The following ZC3H8 variants were observed in gnomAD, a reference collection of about 807,000 sequenced individuals.
The protein encoded by ZC3H8 is zinc finger CCCH domain-containing protein 8.
In ZC3H8, 27 loss-of-function variants were observed where a neutral mutation model predicts 42.5. The ratio of observed to expected loss-of-function variants is 0.64; its 90% CI spans 0.47 to 0.88. The LOEUF (loss-of-function observed/expected upper bound fraction) is 0.88, where lower values mean the gene tolerates loss of function less well. Among genes scored for constraint, ZC3H8 ranks in the 40% least tolerant of loss-of-function variants. ZC3H8 has a pLI of 0.00. For missense variants in ZC3H8, 277 were observed against 336.1 expected (o/e 0.82, Z 1.37); for synonymous variants, 101 against 110.1 (o/e 0.92, Z 0.52).
intron 8 of ZC3H8, among the ~76,000 whole-genome samples, chr2:112,229,413 G>A (rs544443793): frequency 1.3e-5 from 2 of 152,128 alleles, no homozygotes; most frequent in Non-Finnish European, 2.9e-5. Context: ...AAAAGGTGGA[G>A]TACAGTTTCC....
intron 2 of ZC3H8, among the ~76,000 whole-genome samples, chr2:112,244,122 C>T (rs991979565): frequency 6.6e-6 from 1 of 151,784 alleles, no homozygotes; most frequent in Non-Finnish European, 1.5e-5. Context: ...GATTCACAAT[C>T]GCATAGAATT....
chr2:112,217,014 G>A lies in ZC3H8; in HGVS notation c.*16-546C>T, dbSNP rs151108209. 3.8e-3 allele frequency among the ~76,000 whole-genome samples: 582 copies of A among 152,262 alleles called. 7 individuals are homozygous for A. Among genetic ancestry groups the A allele is most frequent in the African/African-American group, 0.013 (555 of 41,558 alleles). On this transcript the variant is annotated intron_variant, in intron 8 of 8. Transcript: ENST00000409573. ...AAGAAAAAGATTTTTGGTTGAGCCC[G>A]CAGAGCAAAACCCAACTACATATGT...
chr2:112,215,768 C>T lies in ZC3H8; in HGVS notation c.*716G>A, dbSNP rs866518160. On this transcript the variant is annotated 3_prime_UTR_variant, in exon 9 of 9. Transcript: ENST00000409573. Reference sequence around the variant, plus strand: ...ACCATCACACTCCTAAAGTTTGTAACTCACACAAGTGTATAATCTGACTAC... The same window carrying T: ...ACCATCACACTCCTAAAGTTTGTAATTCACACAAGTGTATAATCTGACTAC... 2 of 152,158 alleles carry T rather than the reference C, an allele frequency of 1.3e-5. No homozygotes were observed. Among genetic ancestry groups the T allele is most frequent in the Non-Finnish European group, 1.5e-5 (1 of 68,028 alleles). The allele number at this position is 152,158 out of a possible 1,614,324, so 9.4% of individuals were successfully genotyped here. A position where few individuals can be genotyped will look rare whatever the true frequency, so the allele number is the denominator to read the frequency against.
intron 8 of ZC3H8, among the ~76,000 whole-genome samples, chr2:112,229,279 T>C (rs900638164): frequency 2.6e-5 from 4 of 152,198 alleles, no homozygotes; most frequent in African/African-American, 9.7e-5. Flanking sequence ...ATAAGAATGA[T>C]ATGAGGCCTC....
chr2:112,238,277 T>C, intron 3 of ZC3H8, 38 bp downstream of exon 3: 2 of 1,592,292 alleles, frequency 1.3e-6, no homozygotes, highest in South Asian at 2.3e-5. Context: ...ACTGCTTCTC[T>C]AGATAAACTT....
intron 8 of ZC3H8, among the ~76,000 whole-genome samples, chr2:112,228,039 A>G (rs1342428520): frequency 1.3e-5 from 2 of 152,262 alleles, no homozygotes; most frequent in East Asian, 3.8e-4. Flanking sequence ...TTATTTCAAA[A>G]CTTAGAACAA....
chr2:112,240,086 ACTT>A (rs1685518616), intron 2 of ZC3H8, among the ~76,000 whole-genome samples: 2 of 152,174 alleles, frequency 1.3e-5, no homozygotes, highest in African/African-American at 4.8e-5. Context: ...AGGCCACCAA[ACTT>A]CTTGTCTCTA....
At chr2:112,244,908 T>C (rs1002260148) in intron 2 of ZC3H8, among the ~76,000 whole-genome samples, 3 of 152,188 alleles carry the variant, frequency 2.0e-5, no homozygotes, top group Admixed American at 1.3e-4. Context: ...TTAGACTAAT[T>C]AATAACCCTA....
At chr2:112,219,867 T>A (rs1684509984) in intron 8 of ZC3H8, among the ~76,000 whole-genome samples, 1 of 152,220 alleles carries the variant, frequency 6.6e-6, no homozygotes, top group African/African-American at 2.4e-5. Flanking sequence ...GTGGAGTGTT[T>A]AATGTCTCCC....
intron 8 of ZC3H8, among the ~76,000 whole-genome samples, chr2:112,222,008 T>C (rs944010419): frequency 6.6e-6 from 1 of 152,194 alleles, no homozygotes; most frequent in African/African-American, 2.4e-5. Context: ...TCTTCAATCT[T>C]TGAAGTTGCT....
chr2:112,214,646 G>A lies in ZC3H8; in HGVS notation c.*1838C>T, dbSNP rs1347701412. The A allele has an allele frequency of 2.0e-5, 3 of 152,186 alleles. No individual in the cohort carries two copies. The East Asian group carries it at 5.8e-4, about 29-fold the overall frequency. 9.4% of individuals were successfully genotyped at this position (152,186 alleles called of 1,614,324 possible). A position where few individuals can be genotyped will look rare whatever the true frequency, so the allele number is the denominator to read the frequency against. On this transcript the variant is annotated 3_prime_UTR_variant, in exon 9 of 9. Coordinates refer to ENST00000409573, the MANE Select transcript of ZC3H8 (RefSeq NM_032494.3). ...TGGCTCTTGAGACGAATGGCTCTTG[G>A]TTCAGGGAACGGCACAGTGGGGGCG... is the stretch of plus-strand genomic sequence containing the variant.
intron 2 of ZC3H8, among the ~76,000 whole-genome samples, chr2:112,242,761 T>C (rs1174788723): frequency 6.6e-6 from 1 of 152,198 alleles, no homozygotes; most frequent in African/African-American, 2.4e-5. Flanking sequence ...ACAGAAAAAT[T>C]AGAAAATTTT....
intron 8 of ZC3H8, among the ~76,000 whole-genome samples, chr2:112,223,929 G>A (rs1009543854): frequency 1.3e-5 from 2 of 152,292 alleles, no homozygotes; most frequent in South Asian, 2.1e-4. Context: ...GATCATTTGA[G>A]GTCAGGAGTT....
intron 8 of ZC3H8, among the ~76,000 whole-genome samples, chr2:112,219,491 A>G (rs910409315): frequency 2.0e-5 from 3 of 152,194 alleles, no homozygotes; most frequent in Admixed American, 6.5e-5. Flanking sequence ...AGAGGAAAAC[A>G]TAAGGGAAAG....
At chr2:112,245,201 T>C (rs1015237527) in intron 2 of ZC3H8, among the ~76,000 whole-genome samples, 1 of 152,230 alleles carries the variant, frequency 6.6e-6, no homozygotes, top group Admixed American at 6.5e-5. Flanking sequence ...AAACCAGTCA[T>C]AACATTCCCT....
At chr2:112,239,579 CTTTTTTTTTTTTT>C (rs200972008) in intron 2 of ZC3H8, among the ~76,000 whole-genome samples, 1 of 86,488 alleles carries the variant, frequency 1.2e-5, no homozygotes, top group African/African-American at 5.3e-5. Flanking sequence ...TAACAGTTTA[CTTTTTTTTTTTTT>C]TTTTTTTTTT....
At position 112,244,127 on chromosome 2, in the gene ZC3H8, AGAATT is replaced by A. The variant is rs549711798; in HGVS notation, c.157-5604_157-5600del. Among the ~76,000 whole-genome samples, 299 of 152,226 alleles carry A rather than the reference AGAATT, an allele frequency of 2.0e-3. 1 individual carries two copies. The highest frequency in any genetic ancestry group is 7.1e-3 in the African/African-American group (295 of 41,502). The stretch of plus-strand genomic sequence containing the variant: ...AATGAAAAAAGATTCACAATCGCAT[AGAATT>A]AAGAATGCCAAGAATGAAGAGAAGA... On this transcript the variant is annotated intron_variant, in intron 2 of 8. Transcript: ENST00000409573.
At chr2:112,244,637 C>T (rs562486496) in intron 2 of ZC3H8, among the ~76,000 whole-genome samples, 2 of 152,170 alleles carry the variant, frequency 1.3e-5, no homozygotes, top group Non-Finnish European at 2.9e-5. Context: ...TTTTGAAAAG[C>T]ATGTGTTCAC....
At chr2:112,245,221 G>C (rs1685714059) in intron 2 of ZC3H8, among the ~76,000 whole-genome samples, 1 of 152,234 alleles carries the variant, frequency 6.6e-6, no homozygotes, top group Non-Finnish European at 1.5e-5. Context: ...TTAAGCCAAA[G>C]CCTAATCCAG....
Sources: gnomAD v4.1 joint callset for allele counts (sites outside exome capture counted in the v4.1 genomes callset) on GRCh38, gnomAD v4.1.1 for gene constraint, MANE v1.5 for transcripts, NCBI Gene and HGNC (gene_info 2026-07-23, HGNC 2026-07-21) for gene names.